The following IQGAP2 variants were observed in gnomAD, a reference collection of about 807,000 sequenced individuals.
IQGAP2 encodes ras GTPase-activating-like protein IQGAP2.
A neutral mutation model predicts 201.3 loss-of-function variants in IQGAP2; 173 were observed. That is an observed-to-expected ratio of 0.86 (90% CI 0.76 to 0.98). IQGAP2 has a LOEUF of 0.98. Among genes scored for constraint, IQGAP2 ranks in the 50% least tolerant of loss-of-function variants. The pLI, the probability that IQGAP2 is intolerant of heterozygous loss-of-function variation, is 0.00. For synonymous variants in IQGAP2, 675 were observed against 673.9 expected (o/e 1.00, Z -0.03); for missense variants, 1,687 against 1,864.8 (o/e 0.90, Z 1.76).
At chr5:76,451,854 A>G (rs1753772672) in intron 1 of IQGAP2, among the ~76,000 whole-genome samples, 1 of 152,108 alleles carries the variant, frequency 6.6e-6, no homozygotes, top group Non-Finnish European at 1.5e-5. Flanking sequence ...GGCCAACACA[A>G]CGAAACCCCG....
rs1359236819 is a variant in IQGAP2, at chr5:76,592,942, A to G, written c.907+17A>G. 1 of 1,496,754 alleles carries G rather than the reference A, an allele frequency of 6.7e-7. No homozygotes were observed. Among genetic ancestry groups the G allele is most frequent in the Non-Finnish European group, 9.3e-7 (1 of 1,075,392 alleles). 92.7% of individuals were successfully genotyped at this position (1,496,754 alleles called of 1,614,324 possible). On this transcript the variant is annotated intron_variant, in intron 9 of 35. Coordinates refer to ENST00000274364, the MANE Select transcript of IQGAP2 (RefSeq NM_006633.5). ...AAGTCAACAGTAAGTAATGGATCGTATGAAGGAAATTGATATTTCCGTAAG... is the reference window on the plus strand; with the variant it reads ...AAGTCAACAGTAAGTAATGGATCGTGTGAAGGAAATTGATATTTCCGTAAG...
At chr5:76,585,814 A>G (rs1017913161) in intron 5 of IQGAP2, among the ~76,000 whole-genome samples, 4 of 151,956 alleles carry the variant, frequency 2.6e-5, no homozygotes, top group Admixed American at 6.6e-5. Flanking sequence ...GCCCCCAGCT[A>G]TGTATTCTCA....
At chr5:76,432,239 C>T (rs1172966589) in intron 1 of IQGAP2, among the ~76,000 whole-genome samples, 1 of 144,098 alleles carries the variant, frequency 6.9e-6, no homozygotes, top group Admixed American at 7.5e-5. Flanking sequence ...ATTTTTGTGC[C>T]TCAGCCTCCC....
At chr5:76,563,745 AT>A (rs1038094110) in intron 3 of IQGAP2, among the ~76,000 whole-genome samples, 2 of 152,104 alleles carry the variant, frequency 1.3e-5, no homozygotes, top group South Asian at 2.1e-4. Flanking sequence ...TTATATCAAT[AT>A]TTTTTATCTG....
rs79450861 is a variant in IQGAP2, at chr5:76,596,729, C to T, written c.908-710C>T. Among the ~76,000 whole-genome samples, 1,044 of 152,278 alleles carry T rather than the reference C, an allele frequency of 6.9e-3. 4 individuals carry two copies. The highest frequency in any genetic ancestry group is 0.014 in the Middle Eastern group (4 of 294). Reference sequence around the variant, plus strand: ...AAGCGTTACACACTTAACCGTATCTCGTGAGAACTCACTATCATCCAGGGG... The same window carrying T: ...AAGCGTTACACACTTAACCGTATCTTGTGAGAACTCACTATCATCCAGGGG... On this transcript the variant is annotated intron_variant, in intron 9 of 35. Transcript: ENST00000274364.
chr5:76,628,836 T>C (rs1317732697), intron 14 of IQGAP2: 2 of 409,950 alleles, frequency 4.9e-6, no homozygotes, highest in Non-Finnish European at 9.6e-6. Context: ...AAAAAAATAA[T>C]GAAGTGGAGG....
chr5:76,446,661 G>C (rs1050067626), intron 1 of IQGAP2, among the ~76,000 whole-genome samples: 2 of 152,152 alleles, frequency 1.3e-5, no homozygotes, highest in Non-Finnish European at 2.9e-5. Flanking sequence ...GTCATAGGTA[G>C]TAAGTTTATA....
intron 13 of IQGAP2, chr5:76,617,555 C>T: frequency 6.4e-7 from 1 of 1,551,826 alleles, no homozygotes; most frequent in Non-Finnish European, 8.8e-7. Flanking sequence ...TCTGTGATGG[C>T]TGTCCTTGTT....
intron 9 of IQGAP2, among the ~76,000 whole-genome samples, chr5:76,595,987 T>G (rs1747008686): frequency 6.6e-6 from 1 of 152,108 alleles, no homozygotes; most frequent in Non-Finnish European, 1.5e-5. Context: ...TTCTGAAATT[T>G]TTTGGTTTGT....
chr5:76,441,524 A>C lies in IQGAP2; in HGVS notation c.47-20046A>C. 5.1e-6 allele frequency: 5 copies of C among 985,224 alleles called. No individual in the cohort carries two copies. In the South Asian group the frequency reaches 2.3e-4, roughly 46 times the overall value. 61.0% of individuals were successfully genotyped at this position (985,224 alleles called of 1,614,324 possible). On this transcript the variant is annotated intron_variant, in intron 1 of 35. Coordinates refer to ENST00000274364, the MANE Select transcript of IQGAP2 (RefSeq NM_006633.5). ...AAGAAAGCGAGCATGTTGGTAAGAGAAGGTACAACTGTAATAATGCTACTT... is the reference window on the plus strand; with the variant it reads ...AAGAAAGCGAGCATGTTGGTAAGAGCAGGTACAACTGTAATAATGCTACTT...
chr5:76,422,057 A>T (rs1453039933), intron 1 of IQGAP2, among the ~76,000 whole-genome samples: 1 of 152,214 alleles, frequency 6.6e-6, no homozygotes, highest in Non-Finnish European at 1.5e-5. Flanking sequence ...ATTGATTTTA[A>T]AGGTGTTTAG....
chr5:76,418,874 C>T (rs925117433), intron 1 of IQGAP2, among the ~76,000 whole-genome samples: 28 of 151,988 alleles, frequency 1.8e-4, no homozygotes, highest in Non-Finnish European at 3.7e-4. Context: ...AAAAGGTTTC[C>T]TAGGGCTGCT....
intron 17 of IQGAP2, among the ~76,000 whole-genome samples, chr5:76,648,355 G>A (rs1012552247): frequency 3.3e-5 from 5 of 152,122 alleles, no homozygotes; most frequent in African/African-American, 9.7e-5. Context: ...ATGAGGCAGT[G>A]CCCCCACTTT....
At chr5:76,472,913 C>T (rs1023590326) in intron 2 of IQGAP2, among the ~76,000 whole-genome samples, 3 of 152,184 alleles carry the variant, frequency 2.0e-5, no homozygotes, top group Admixed American at 6.5e-5. Flanking sequence ...GATTATCACA[C>T]AAGTGTCTAC....
rs563330011 is a variant in IQGAP2 at position 76,614,574 on chromosome 5, A to G, written c.1521+3391A>G. ...AAAATCCTAATTCTGTTGTTTGGCA[A>G]TGTCTTTAATGTCTTTGTTTTTCCC... On this transcript the variant is annotated intron_variant, in intron 13 of 35. Coordinates refer to ENST00000274364, the MANE Select transcript of IQGAP2 (RefSeq NM_006633.5). Among the ~76,000 whole-genome samples the G allele has an allele frequency of 4.5e-5, 6 of 132,188 alleles. No individual in the cohort carries two copies. The South Asian group carries it at 1.2e-3, about 27-fold the overall frequency. 86.7% of individuals were successfully genotyped at this position (132,188 alleles called of 152,430 possible).
chr5:76,499,923 T>G (rs145163031), intron 2 of IQGAP2, among the ~76,000 whole-genome samples: 2 of 151,686 alleles, frequency 1.3e-5, no homozygotes, highest in Non-Finnish European at 2.9e-5. Context: ...CTGGGAAGCA[T>G]AGTGAAACCT....
intron 3 of IQGAP2, among the ~76,000 whole-genome samples, chr5:76,567,936 G>A (rs888596028): frequency 6.6e-6 from 1 of 152,164 alleles, no homozygotes; most frequent in Non-Finnish European, 1.5e-5. Context: ...TTAGGTGTAT[G>A]GATAACAGCA....
chr5:76,559,169 G>A (rs914462305), intron 2 of IQGAP2, among the ~76,000 whole-genome samples: 5 of 152,136 alleles, frequency 3.3e-5, no homozygotes, highest in African/African-American at 1.2e-4. Context: ...CCAAAGTGAT[G>A]GGATTACAGG....
chr5:76,578,984 A>G (rs532039162), intron 5 of IQGAP2, among the ~76,000 whole-genome samples: 1 of 152,184 alleles, frequency 6.6e-6, no homozygotes, highest in East Asian at 2.0e-4. Context: ...TGCCCACCTT[A>G]TTAAAGATGT....
Sources: gnomAD v4.1 joint callset for allele counts (sites outside exome capture counted in the v4.1 genomes callset) on GRCh38, gnomAD v4.1.1 for gene constraint, MANE v1.5 for transcripts, NCBI Gene and HGNC (gene_info 2026-07-23, HGNC 2026-07-21) for gene names.